Variants in RALGDS observed in about 807,000 individuals in gnomAD.
RALGDS encodes the protein ral guanine nucleotide exchange factor.
In RALGDS, 44 loss-of-function variants were observed where a neutral mutation model predicts 99.8. The ratio of observed to expected loss-of-function variants is 0.44; its 90% CI spans 0.35 to 0.57. RALGDS has a LOEUF of 0.57. Ranked by LOEUF, RALGDS falls within the 20% of genes least tolerant of loss-of-function variation. The pLI, the probability that RALGDS is intolerant of heterozygous loss-of-function variation, is 0.01. For missense variants in RALGDS, 1,022 were observed against 1,203.1 expected, an observed-to-expected ratio of 0.85 and a Z score of 2.23; for synonymous variants, 529 against 505.0, an observed-to-expected ratio of 1.05 and a Z score of -0.64.
chr9:133,114,977 A>T (rs1348209414), intron 1 of RALGDS, among the ~76,000 whole-genome samples: 3 of 152,200 alleles, frequency 2.0e-5, no homozygotes, highest in Non-Finnish European at 4.4e-5. Flanking sequence ...GATGGGAAAC[A>T]GGGCCTGGTG....
At chr9:133,138,677 T>A (rs957938754) in intron 1 of RALGDS, among the ~76,000 whole-genome samples, 2 of 152,208 alleles carry the variant, frequency 1.3e-5, no homozygotes, top group African/African-American at 2.4e-5. Context: ...CAGAGCCTTG[T>A]TCTGTCACCC....
rs766407440 is a variant in RALGDS at position 133,100,395 on chromosome 9, G to A, written c.2455-13C>T. On this transcript the variant is annotated splice_polypyrimidine_tract_variant and intron_variant, in intron 16 of 17. Transcript: ENST00000372050. Reference sequence around the variant, plus strand: ...CTTGGCTGGTCACCTGCATCGCGGCGGGGGATGGACCATCAGGGAAAAGAC... The same window carrying A: ...CTTGGCTGGTCACCTGCATCGCGGCAGGGGATGGACCATCAGGGAAAAGAC... 4.0e-5 allele frequency: 64 copies of A among 1,613,494 alleles called. No individual in the cohort carries two copies. Among genetic ancestry groups the A allele is most frequent in the Non-Finnish European group, 4.8e-5 (57 of 1,179,592 alleles).
chr9:133,104,185 C>G, intron 10 of RALGDS, 78 bp downstream of exon 10: 1 of 1,450,890 alleles, frequency 6.9e-7, no homozygotes, highest in Non-Finnish European at 9.6e-7. Flanking sequence ...CCATAGGCAC[C>G]GTGGCTAGAG....
rs138789479 is a variant in RALGDS at position 133,145,981 on chromosome 9, G to A, written c.18+2982C>T. ...GAGGAAAGAAACTTCTCACAGGGGC[G>A]AGACACAGCCCGGAATACAAGTCGG... On this transcript the variant is annotated intron_variant, in intron 1 of 17. Transcript: ENST00000393160. Among the ~76,000 whole-genome samples the A allele has an allele frequency of 3.4e-3, 517 of 152,288 alleles. 7 individuals are homozygous for A. Among genetic ancestry groups the A allele is most frequent in the African/African-American group, 0.011 (474 of 41,554 alleles).
intron 1 of RALGDS, chr9:133,129,433 C>T: frequency 2.1e-6 from 3 of 1,404,022 alleles, no homozygotes; most frequent in Non-Finnish European, 2.8e-6. Flanking sequence ...CTGGTGTCAC[C>T]CGCGTGGCTG....
At chr9:133,111,027 C>T (rs1415891003) in intron 2 of RALGDS, among the ~76,000 whole-genome samples, 1 of 152,206 alleles carries the variant, frequency 6.6e-6, no homozygotes, top group Non-Finnish European at 1.5e-5. Flanking sequence ...ATGATCATAC[C>T]TCTGCATGGC....
chr9:133,115,318 G>A (rs921697293), intron 1 of RALGDS, among the ~76,000 whole-genome samples: 1 of 152,218 alleles, frequency 6.6e-6, no homozygotes, highest in African/African-American at 2.4e-5. Context: ...GAGGGCTGAA[G>A]CGGAGTGAGG....
chr9:133,118,451 C>T (rs948002888), intron 1 of RALGDS, among the ~76,000 whole-genome samples: 3 of 152,220 alleles, frequency 2.0e-5, no homozygotes, highest in Non-Finnish European at 2.9e-5. Context: ...TGCCACTGAC[C>T]AGCTTGGTCA....
intron 1 of RALGDS, chr9:133,129,348 C>G (rs1337147355): frequency 6.5e-7 from 1 of 1,542,170 alleles, no homozygotes. Flanking sequence ...GGGGAGTGGG[C>G]CCTGCGGGAG....
At chr9:133,134,265 G>A (rs1035748667), upstream of RALGDS, among the ~76,000 whole-genome samples, 2 of 152,178 alleles carry the variant, frequency 1.3e-5, no homozygotes, top group Non-Finnish European at 2.9e-5. Context: ...TCCCAGGGAC[G>A]GGGGCATCAC....
chr9:133,132,597 G>A (rs745530883), upstream of RALGDS, among the ~76,000 whole-genome samples: 17 of 152,092 alleles, frequency 1.1e-4, no homozygotes, highest in Non-Finnish European at 2.4e-4. Context: ...GGTTGGGTGG[G>A]GGGCTTAAAG....
intron 1 of RALGDS, among the ~76,000 whole-genome samples, chr9:133,116,444 G>C (rs1353966301): frequency 6.6e-6 from 1 of 152,234 alleles, no homozygotes; most frequent in Non-Finnish European, 1.5e-5. Context: ...CCTGTGCCCT[G>C]CTACTCACTG....
chr9:133,127,690 GT>G (rs766124914), intron 1 of RALGDS, among the ~76,000 whole-genome samples: 9 of 152,246 alleles, frequency 5.9e-5, no homozygotes, highest in Non-Finnish European at 1.0e-4. Context: ...CTGCCACTGG[GT>G]TCCTGGCAAC....
intron 1 of RALGDS, among the ~76,000 whole-genome samples, chr9:133,129,661 G>A (rs554499863): frequency 1.3e-5 from 2 of 152,226 alleles, no homozygotes; most frequent in South Asian, 2.1e-4. Context: ...AACAGGGTTC[G>A]GTCAGCAGAG....
chr9:133,130,827 C>T, intron 1 of RALGDS: 1 of 902,058 alleles, frequency 1.1e-6, no homozygotes, highest in Non-Finnish European at 1.7e-6. Flanking sequence ...TGTCCAGCTG[C>T]TCTGCAAAGC....
intron 1 of RALGDS, among the ~76,000 whole-genome samples, chr9:133,118,647 G>A (rs1191954834): frequency 6.6e-6 from 1 of 152,174 alleles, no homozygotes; most frequent in Non-Finnish European, 1.5e-5. Context: ...CTTCCTCCAG[G>A]TAGCTCTCCC....
chr9:133,124,331 GAC>G (rs1447123678), upstream of RALGDS, among the ~76,000 whole-genome samples: 7 of 152,112 alleles, frequency 4.6e-5, no homozygotes, highest in Admixed American at 2.6e-4. Flanking sequence ...TTGGAACAGA[GAC>G]ACACACGCAG....
At chr9:133,148,114 G>A (rs1156756548) in intron 1 of RALGDS, among the ~76,000 whole-genome samples, 1 of 152,184 alleles carries the variant, frequency 6.6e-6, no homozygotes, top group Non-Finnish European at 1.5e-5. Flanking sequence ...CACAGACCTC[G>A]GTGGGTAGTG....
chr9:133,144,567 G>A lies in RALGDS; in HGVS notation c.18+4396C>T, dbSNP rs1832592863. ...CTTTGTCTGCGGCAGCTCCGCGCCGGGCTGGGCGGCCGCACGGGAGGGCAC... is the reference window on the plus strand; with the variant it reads ...CTTTGTCTGCGGCAGCTCCGCGCCGAGCTGGGCGGCCGCACGGGAGGGCAC... On this transcript the variant is annotated intron_variant, in intron 1 of 17. Coordinates refer to the RALGDS transcript ENST00000393160. This position sits in a 1 kb window ranked among gnomAD's most constrained non-coding sequence, Gnocchi z 4.5. 6.6e-6 allele frequency among the ~76,000 whole-genome samples: 1 copy of A among 152,232 alleles called. No homozygotes were observed. The highest frequency in any genetic ancestry group is 1.5e-5 in the Non-Finnish European group (1 of 68,034).
Sources: allele counts gnomAD v4.1 joint callset (sites outside exome capture counted in the v4.1 genomes callset), GRCh38; gene constraint gnomAD v4.1.1; non-coding constraint Gnocchi (gnomAD v3.1); transcripts MANE v1.5; gene names NCBI Gene and HGNC (gene_info 2026-07-23, HGNC 2026-07-21).